The following TTC39C variants were observed in gnomAD, a reference collection of about 807,000 sequenced individuals.
TTC39C encodes the protein tetratricopeptide repeat domain 39C.
Under a neutral mutation model 76.3 loss-of-function variants are expected in TTC39C, and 33 were observed. The ratio of observed to expected loss-of-function variants is 0.43; its 90% CI spans 0.33 to 0.58. TTC39C has a LOEUF of 0.58. Among genes scored for constraint, TTC39C ranks in the 20% least tolerant of loss-of-function variants. The pLI is 0.04. For missense variants in TTC39C, 595 were observed against 701.4 expected, an observed-to-expected ratio of 0.85 and a Z score of 1.71; for synonymous variants, 254 against 260.6, an observed-to-expected ratio of 0.97 and a Z score of 0.24.
chr18:24,071,582 A>G (rs2084242109), intron 4 of TTC39C, among the ~76,000 whole-genome samples: 1 of 152,094 alleles, frequency 6.6e-6, no homozygotes, highest in Non-Finnish European at 1.5e-5. Flanking sequence ...TTTTCTTTTC[A>G]ATTATACTTT....
intron 6 of TTC39C, among the ~76,000 whole-genome samples, chr18:24,096,194 A>G (rs2084586778): frequency 6.6e-6 from 1 of 152,240 alleles, no homozygotes; most frequent in Non-Finnish European, 1.5e-5. Context: ...TGGAAAAATG[A>G]TGCCAATGGA....
chr18:24,104,829 G>A (rs997874508), intron 6 of TTC39C, among the ~76,000 whole-genome samples: 7 of 151,884 alleles, frequency 4.6e-5, no homozygotes, highest in Admixed American at 4.6e-4. Context: ...CAGAATGGGA[G>A]CAGCCATATT....
intron 1 of TTC39C, among the ~76,000 whole-genome samples, chr18:24,008,704 T>C (rs1001297985): frequency 2.0e-5 from 3 of 152,162 alleles, no homozygotes; most frequent in African/African-American, 7.2e-5. Flanking sequence ...GAAATACAAA[T>C]CGTTCTGTCA....
intron 1 of TTC39C, among the ~76,000 whole-genome samples, chr18:24,031,006 G>C (rs541156331): frequency 6.6e-6 from 1 of 152,034 alleles, no homozygotes; most frequent in South Asian, 2.1e-4. Context: ...TGCAGTGGCA[G>C]TGCGATCTCG....
chr18:24,015,046 A>G lies in TTC39C; in HGVS notation c.167+8A>G, dbSNP rs1037598406. ...GCTTTTCAAACAATACAGGTGACCC[A>G]CGCGTCCCCGATTCCCCAACCCTGC... On this transcript the variant is annotated splice_region_variant and intron_variant, in intron 1 of 13. Transcript: ENST00000317571. The G allele has an allele frequency of 3.2e-5, 45 of 1,426,806 alleles. No individual in the cohort carries two copies. In the East Asian group the frequency reaches 1.3e-3, roughly 43 times the overall value. 88.4% of individuals were successfully genotyped at this position (1,426,806 alleles called of 1,614,324 possible).
At chr18:24,006,050 T>C (rs1473197552) in intron 1 of TTC39C, among the ~76,000 whole-genome samples, 6 of 151,316 alleles carry the variant, frequency 4.0e-5, no homozygotes, top group Admixed American at 1.3e-4. Flanking sequence ...TCTTGCTCTG[T>C]CACCCAGGCT....
intron 1 of TTC39C, among the ~76,000 whole-genome samples, chr18:24,021,927 G>A (rs1372093555): frequency 6.6e-6 from 1 of 152,204 alleles, no homozygotes; most frequent in African/African-American, 2.4e-5. Flanking sequence ...TGAGAGGCAG[G>A]TCTTTCCTTC....
At chr18:24,042,872 T>G (rs1346958202) in intron 1 of TTC39C, among the ~76,000 whole-genome samples, 1 of 152,152 alleles carries the variant, frequency 6.6e-6, no homozygotes, top group Non-Finnish European at 1.5e-5. Flanking sequence ...AATTAGCTAG[T>G]CCTTTATTGA....
chr18:24,082,819 A>T, intron 5 of TTC39C, 94 bp from the exon 6 acceptor site: 1 of 1,276,692 alleles, frequency 7.8e-7, no homozygotes, highest in Non-Finnish European at 1.1e-6. Flanking sequence ...TTTTGGATAG[A>T]GTAGTATTGG....
At chr18:24,104,548 A>G (rs1232518550) in intron 6 of TTC39C, among the ~76,000 whole-genome samples, 1 of 152,160 alleles carries the variant, frequency 6.6e-6, no homozygotes, top group Admixed American at 6.6e-5. Context: ...CTCTACGTGA[A>G]GGGGTTTCCT....
chr18:24,009,360 CAT>C (rs886723298), intron 1 of TTC39C, among the ~76,000 whole-genome samples: 73 of 152,330 alleles, frequency 4.8e-4, no homozygotes, highest in African/African-American at 1.7e-3. Context: ...TCAGTAGACA[CAT>C]GTCTTGAAAC....
intron 6 of TTC39C, among the ~76,000 whole-genome samples, chr18:24,110,752 A>G (rs1313110844): frequency 6.6e-6 from 1 of 152,258 alleles, no homozygotes; most frequent in Non-Finnish European, 1.5e-5. Flanking sequence ...TGAATTTGTC[A>G]ATAAACATGC....
chr18:24,123,413 G>T (rs2085002206), intron 8 of TTC39C, among the ~76,000 whole-genome samples: 1 of 151,794 alleles, frequency 6.6e-6, no homozygotes, highest in Admixed American at 6.6e-5. Context: ...TTGTTTGTTT[G>T]TTTGTTTTTC....
chr18:24,021,808 G>A (rs1212636754), intron 1 of TTC39C, among the ~76,000 whole-genome samples: 1 of 152,128 alleles, frequency 6.6e-6, no homozygotes, highest in East Asian at 1.9e-4. Context: ...AGTTACCCCT[G>A]TCTTACAGGA....
At chr18:24,012,047 G>C (rs1035830437), upstream of TTC39C, among the ~76,000 whole-genome samples, 2 of 152,022 alleles carry the variant, frequency 1.3e-5, no homozygotes, top group Non-Finnish European at 2.9e-5. Context: ...CATTTTTATC[G>C]AGTGGAGAAA....
At chr18:24,075,704 CAA>C (rs530208641) in intron 4 of TTC39C, among the ~76,000 whole-genome samples, 1 of 121,640 alleles carries the variant, frequency 8.2e-6, no homozygotes, top group Admixed American at 8.1e-5. Flanking sequence ...AAAAAAAAAA[CAA>C]AAAAAAAACC....
intron 6 of TTC39C, among the ~76,000 whole-genome samples, chr18:24,088,845 A>G (rs2093809366): frequency 6.6e-6 from 1 of 152,174 alleles, no homozygotes; most frequent in Non-Finnish European, 1.5e-5. Context: ...GCTCTGTGTG[A>G]AAGACTTTCT....
At chr18:23,999,590 C>T (rs2083296052) in intron 1 of TTC39C, among the ~76,000 whole-genome samples, 1 of 126,600 alleles carries the variant, frequency 7.9e-6, no homozygotes, top group Admixed American at 7.9e-5. Context: ...TCTGCAAGTG[C>T]TGGGAACAGC....
At chr18:24,018,849 A>C (rs1478435792) in intron 1 of TTC39C, among the ~76,000 whole-genome samples, 1 of 152,150 alleles carries the variant, frequency 6.6e-6, no homozygotes, top group Non-Finnish European at 1.5e-5. Context: ...AAGTGTTGCT[A>C]GGCCGTTGCA....
Sources: allele counts gnomAD v4.1 joint callset (sites outside exome capture counted in the v4.1 genomes callset), GRCh38; gene constraint gnomAD v4.1.1; transcripts MANE v1.5; gene names NCBI Gene and HGNC (gene_info 2026-07-23, HGNC 2026-07-21).